The following SLC14A2 variants were observed in gnomAD, a reference collection of about 807,000 sequenced individuals.
The protein encoded by SLC14A2 is urea transporter 2.
In SLC14A2, 91 loss-of-function variants were observed where a neutral mutation model predicts 104.6. That is an observed-to-expected ratio of 0.87 (90% CI 0.73 to 1.04). The LOEUF (loss-of-function observed/expected upper bound fraction) is 1.04. SLC14A2 is among the 50% of genes least tolerant of loss of function. The probability of loss-of-function intolerance (pLI) is 0.00; values close to 1 mark genes in which losing one functional copy is unlikely to be tolerated. For missense variants in SLC14A2, 1,189 were observed against 1,156.0 expected (o/e 1.03, Z -0.41); for synonymous variants, 476 against 466.4 (o/e 1.02, Z -0.27).
intron 1 of SLC14A2, among the ~76,000 whole-genome samples, chr18:45,300,335 G>T (rs2084956147): frequency 6.6e-6 from 1 of 151,808 alleles, no homozygotes; most frequent in African/African-American, 2.4e-5. Flanking sequence ...GCTTAGAGAG[G>T]TTAAGTAACT....
chr18:45,302,199 A>G (rs1203985862), intron 1 of SLC14A2, among the ~76,000 whole-genome samples: 3 of 152,244 alleles, frequency 2.0e-5, no homozygotes, highest in Non-Finnish European at 4.4e-5. Flanking sequence ...CTCTTGGGCA[A>G]TATTTGTTAC....
At chr18:45,503,363 TC>T in intron 2 of SLC14A2, among the ~76,000 whole-genome samples, 1 of 152,212 alleles carries the variant, frequency 6.6e-6, no homozygotes, top group African/African-American at 2.4e-5. Context: ...CATCCCATGC[TC>T]TGTGCTTACT....
chr18:45,233,598 G>A (rs1193335975), intron 1 of SLC14A2, among the ~76,000 whole-genome samples: 2 of 152,260 alleles, frequency 1.3e-5, no homozygotes, highest in African/African-American at 4.8e-5. Flanking sequence ...AAGTTAAGTT[G>A]CGATTGGACA....
chr18:45,257,600 T>A (rs538183789), intron 1 of SLC14A2, among the ~76,000 whole-genome samples: 1 of 152,328 alleles, frequency 6.6e-6, no homozygotes, highest in South Asian at 2.1e-4. Context: ...TAATATTGTT[T>A]CCAATTGATT....
chr18:45,309,538 G>C (rs1176987918), intron 1 of SLC14A2, among the ~76,000 whole-genome samples: 1 of 150,682 alleles, frequency 6.6e-6, no homozygotes, highest in African/African-American at 2.4e-5. Flanking sequence ...GAAACAATGT[G>C]TTCAAAATCA....
intron 2 of SLC14A2, among the ~76,000 whole-genome samples, chr18:45,563,943 T>C (rs1405003930): frequency 1.3e-5 from 2 of 152,220 alleles, no homozygotes; most frequent in Non-Finnish European, 2.9e-5. Flanking sequence ...AGGGCATTTT[T>C]TCTTTCACAG....
intron 2 of SLC14A2, among the ~76,000 whole-genome samples, chr18:45,557,599 G>A (rs2044149525): frequency 1.3e-5 from 2 of 152,152 alleles, no homozygotes; most frequent in Non-Finnish European, 1.5e-5. Flanking sequence ...CCTATTCTCA[G>A]CTTCTCTGGA....
At chr18:45,627,252 C>T (rs917945217) in intron 4 of SLC14A2, 105 bp downstream of exon 4, 1 of 976,982 alleles carries the variant, frequency 1.0e-6, no homozygotes, top group Admixed American at 2.1e-5. Context: ...CAGCCAAAGT[C>T]TCCTGAGTAT....
At chr18:45,457,621 G>C (rs563312558) in intron 1 of SLC14A2, among the ~76,000 whole-genome samples, 1 of 152,002 alleles carries the variant, frequency 6.6e-6, no homozygotes, top group African/African-American at 2.4e-5. Flanking sequence ...GTTAGAGAGG[G>C]TCACTGGTAG....
intron 4 of SLC14A2, among the ~76,000 whole-genome samples, chr18:45,628,290 A>C (rs1366617128): frequency 6.6e-6 from 1 of 152,052 alleles, no homozygotes; most frequent in Non-Finnish European, 1.5e-5. Context: ...CTAAAAGTAC[A>C]AAAGTTAGCT....
In SLC14A2 at chr18:45,395,011, A is replaced by G. The variant is rs117037227; in HGVS notation, c.-124-88222A>G. ...TTGAAATCAGGTGGGTACTGGCCAA[A>G]AAGAATTGAAATCAGGTGGGTACTG... On this transcript the variant is annotated intron_variant, in intron 1 of 20. Coordinates refer to the SLC14A2 transcript ENST00000586448. Among the ~76,000 whole-genome samples, 998 of 152,098 alleles carry G rather than the reference A, an allele frequency of 6.6e-3. 6 individuals are homozygous for G. The highest frequency in any genetic ancestry group is 0.013 in the Admixed American group (203 of 15,280).
At chr18:45,418,411 T>C (rs189292655) in intron 1 of SLC14A2, among the ~76,000 whole-genome samples, 2 of 152,294 alleles carry the variant, frequency 1.3e-5, no homozygotes, top group Admixed American at 6.5e-5. Flanking sequence ...ACAACTAAGC[T>C]ACAAGAAAGT....
At chr18:45,187,059 G>T in the SLC14A2 span, among the ~76,000 whole-genome samples, 4 of 152,104 alleles carry the variant, frequency 2.6e-5, no homozygotes, top group Non-Finnish European at 5.9e-5. Flanking sequence ...GTTGCCCACC[G>T]CAGCAAAGCC....
chr18:45,672,836 G>T, intron 16 of SLC14A2, 64 bp from the exon 17 acceptor site: 6 of 1,497,586 alleles, frequency 4.0e-6, no homozygotes, highest in Non-Finnish European at 5.4e-6. Flanking sequence ...CAAGTCTCTT[G>T]CAGCCAAGGT....
chr18:45,552,896 G>C (rs931269789), intron 2 of SLC14A2, among the ~76,000 whole-genome samples: 1 of 152,234 alleles, frequency 6.6e-6, no homozygotes, highest in African/African-American at 2.4e-5. Flanking sequence ...TTTGGCTTTA[G>C]CTCAGGGTGA....
chr18:45,612,645 A>G (rs541505535), upstream of SLC14A2, among the ~76,000 whole-genome samples: 40 of 152,188 alleles, frequency 2.6e-4, no homozygotes, highest in Non-Finnish European at 4.9e-4. Flanking sequence ...AGACACAGAG[A>G]GGTTGTGGGG....
At chr18:45,566,311 C>A (rs138919099) in intron 2 of SLC14A2, among the ~76,000 whole-genome samples, 1 of 152,282 alleles carries the variant, frequency 6.6e-6, no homozygotes, top group African/African-American at 2.4e-5. Context: ...GATTTAGATT[C>A]AGATAGTCTG....
intron 1 of SLC14A2, among the ~76,000 whole-genome samples, chr18:45,318,077 A>T (rs1294313520): frequency 6.6e-6 from 1 of 152,152 alleles, no homozygotes; most frequent in Admixed American, 6.5e-5. Flanking sequence ...TGTATACATT[A>T]TTTCCTTTTT....
chr18:45,651,489 C>T (rs1040690224), intron 10 of SLC14A2, among the ~76,000 whole-genome samples: 4 of 152,128 alleles, frequency 2.6e-5, no homozygotes, highest in Non-Finnish European at 5.9e-5. Flanking sequence ...GCACTAGGTA[C>T]GAGTGATAAG....
Sources: allele counts gnomAD v4.1 joint callset (sites outside exome capture counted in the v4.1 genomes callset), GRCh38; gene constraint gnomAD v4.1.1; transcripts MANE v1.5; gene names NCBI Gene and HGNC (gene_info 2026-07-23, HGNC 2026-07-21).